Variants in EEPD1 observed in about 807,000 individuals in gnomAD.
EEPD1 encodes the protein endonuclease/exonuclease/phosphatase family domain containing 1, also known as endonuclease/exonuclease/phosphatase family domain-containing protein 1.
EEPD1 carries 17 observed loss-of-function variants against 46.3 expected under a neutral mutation model. That is an observed-to-expected ratio of 0.37 (90% CI 0.25 to 0.55). EEPD1 has a LOEUF of 0.55. Among genes scored for constraint, EEPD1 ranks in the 20% least tolerant of loss-of-function variants. The pLI, the probability that EEPD1 is intolerant of heterozygous loss-of-function variation, is 0.83. For synonymous variants in EEPD1, 313 were observed against 315.6 expected (o/e 0.99, Z 0.09); for missense variants, 673 against 745.6 (o/e 0.90, Z 1.13).
At chr7:36,180,027 C>T (rs957671583) in intron 2 of EEPD1, among the ~76,000 whole-genome samples, 1 of 152,162 alleles carries the variant, frequency 6.6e-6, no homozygotes, top group Non-Finnish European at 1.5e-5. Context: ...GGCTCCTCCC[C>T]AGCAAACTGA....
At chr7:36,298,208 C>T (rs563730065) in intron 7 of EEPD1, among the ~76,000 whole-genome samples, 21 of 152,360 alleles carry the variant, frequency 1.4e-4, no homozygotes, top group African/African-American at 4.3e-4. Flanking sequence ...GGCCAGCCCA[C>T]GGCCTTTGCA....
chr7:36,281,914 A>G (rs113837293), intron 4 of EEPD1, among the ~76,000 whole-genome samples: 36 of 152,344 alleles, frequency 2.4e-4, no homozygotes, highest in African/African-American at 7.9e-4. Flanking sequence ...AGTATACCTA[A>G]CATGCTTACA....
chr7:36,222,562 ATCCT>A (rs896748776), intron 2 of EEPD1, among the ~76,000 whole-genome samples: 1 of 152,178 alleles, frequency 6.6e-6, no homozygotes, highest in Non-Finnish European at 1.5e-5. Flanking sequence ...TTTGTTGCAG[ATCCT>A]TCCTGTCTCA....
chr7:36,156,807 T>G (rs1181701612), intron 2 of EEPD1, among the ~76,000 whole-genome samples: 1 of 152,224 alleles, frequency 6.6e-6, no homozygotes, highest in African/African-American at 2.4e-5. Flanking sequence ...CACTAAAGTT[T>G]GAGAACCATT....
chr7:36,206,674 A>G (rs1204926600), intron 2 of EEPD1, among the ~76,000 whole-genome samples: 1 of 152,260 alleles, frequency 6.6e-6, no homozygotes, highest in African/African-American at 2.4e-5. Context: ...TTCATAAGTT[A>G]TAGGTAATAA....
chr7:36,243,065 G>A (rs534201022), intron 3 of EEPD1, among the ~76,000 whole-genome samples: 8 of 152,144 alleles, frequency 5.3e-5, no homozygotes, highest in Admixed American at 5.2e-4. Flanking sequence ...ATAGAACTGC[G>A]CTACTCGAAG....
At chr7:36,291,418 C>T (rs1787429338) in intron 6 of EEPD1, among the ~76,000 whole-genome samples, 1 of 152,202 alleles carries the variant, frequency 6.6e-6, no homozygotes, top group South Asian at 2.1e-4. Context: ...ACCTTCCCAC[C>T]TCTGGGAGCC....
rs1200883189 is a variant in EEPD1, at chr7:36,197,257, C to T, written c.879-41728C>T. 1.7e-4 allele frequency among the ~76,000 whole-genome samples: 24 copies of T among 142,910 alleles called. 1 individual carries two copies. The highest frequency in any genetic ancestry group is 4.1e-4 in the East Asian group (2 of 4,854). The allele number at this position is 142,910 out of a possible 152,430, so 93.8% of individuals were successfully genotyped here. A position where few individuals can be genotyped will look rare whatever the true frequency, so the allele number is the denominator to read the frequency against. On this transcript the variant is annotated intron_variant, in intron 2 of 7. Transcript: ENST00000242108. Reference sequence around the variant, plus strand: ...GAGGGAGGTGGGGGGGTCAGGCCCCCGCCCGGGCAGCCGCCCCGTCCGGGA... The same window carrying T: ...GAGGGAGGTGGGGGGGTCAGGCCCCTGCCCGGGCAGCCGCCCCGTCCGGGA...
At chr7:36,238,798 A>G (rs1176475695) in intron 2 of EEPD1, among the ~76,000 whole-genome samples, 187 bp from the exon 3 acceptor site, 1 of 152,206 alleles carries the variant, frequency 6.6e-6, no homozygotes, top group Non-Finnish European at 1.5e-5. Flanking sequence ...TTACTTTTAA[A>G]TTTAGAAGCA....
chr7:36,285,166 G>A (rs1364801561), intron 5 of EEPD1, among the ~76,000 whole-genome samples: 2 of 152,158 alleles, frequency 1.3e-5, no homozygotes, highest in African/African-American at 4.8e-5. Context: ...CAGACATACA[G>A]AATTTGGGGG....
rs1401781600 is a variant in EEPD1 at position 36,284,765 on chromosome 7, C to T, written c.1121C>T (p.Pro374Leu). Reference sequence around the variant, plus strand: ...GACGCGGGTTCACAGGAGAGCTCGCCAAGCAACGGGCACGGGAAGCTGGCG... The same window carrying T: ...GACGCGGGTTCACAGGAGAGCTCGCTAAGCAACGGGCACGGGAAGCTGGCG... ...LRDAGSQESSPSNGHGKLAGP... is the reference protein window; with the variant it reads ...LRDAGSQESSLSNGHGKLAGP... Residue 374 changes from proline (P) to leucine (L), a missense_variant, in exon 5 of 8, where the codon CCA becomes CTA. By Grantham distance (98) the Pro-to-Leu change is moderately conservative (BLOSUM62 -3). Coordinates refer to ENST00000242108, the MANE Select transcript of EEPD1 (RefSeq NM_030636.3). 6.3e-7 allele frequency: 1 copy of T among 1,599,172 alleles called. No homozygotes were observed. The highest frequency in any genetic ancestry group is 1.1e-5 in the South Asian group (1 of 89,988).
chr7:36,236,934 C>T (rs889810748), intron 2 of EEPD1, among the ~76,000 whole-genome samples: 4 of 152,208 alleles, frequency 2.6e-5, no homozygotes, highest in African/African-American at 9.7e-5. Flanking sequence ...GCAACCCGCT[C>T]GCCTACCATA....
intron 3 of EEPD1, among the ~76,000 whole-genome samples, chr7:36,239,822 CAGACCCT>C (rs1339309422): frequency 9.9e-5 from 15 of 152,190 alleles, no homozygotes; most frequent in African/African-American, 3.1e-4. Context: ...ACCAAGCTCT[CAGACCCT>C]GGGGAGTTCA....
intron 6 of EEPD1, among the ~76,000 whole-genome samples, chr7:36,291,439 C>T (rs1787429845): frequency 6.6e-6 from 1 of 152,192 alleles, no homozygotes; most frequent in Non-Finnish European, 1.5e-5. Flanking sequence ...TGTTTCGTAC[C>T]TGCAGAAGGG....
At chr7:36,189,911 T>G (rs537099659) in intron 2 of EEPD1, among the ~76,000 whole-genome samples, 1 of 152,250 alleles carries the variant, frequency 6.6e-6, no homozygotes, top group East Asian at 1.9e-4. Flanking sequence ...CTCAGCTACT[T>G]AGGAGGCTGA....
intron 3 of EEPD1, among the ~76,000 whole-genome samples, chr7:36,255,084 G>T (rs139398787): frequency 0.21 from 31,534 of 152,110 alleles, 3,980 homozygotes; most frequent in Non-Finnish European, 0.29. Context: ...CCATTCTGTA[G>T]GTTGCCTGTT....
chr7:36,255,835 C>T (rs895236376), intron 3 of EEPD1, among the ~76,000 whole-genome samples: 12 of 151,996 alleles, frequency 7.9e-5, no homozygotes, highest in African/African-American at 2.9e-4. Flanking sequence ...TTCAATTCTT[C>T]TCTTATCTTA....
At position 36,233,594 on chromosome 7, in the gene EEPD1, AT is replaced by A. The variant is rs147652404; in HGVS notation, c.879-5390del. Among the ~76,000 whole-genome samples the A allele has an allele frequency of 5.3e-3, 811 of 152,350 alleles. 5 individuals carry two copies. Among genetic ancestry groups the A allele is most frequent in the African/African-American group, 0.019 (770 of 41,578 alleles). On this transcript the variant is annotated intron_variant, in intron 2 of 7. Transcript: ENST00000242108. Reference sequence around the variant, plus strand: ...CAGACAAAAGCACCCCGATATACTCATGCTTCAAGGTAGCACAAAGACCACT... The same window carrying A: ...CAGACAAAAGCACCCCGATATACTCAGCTTCAAGGTAGCACAAAGACCACT...
chr7:36,159,490 A>C (rs1338233563), intron 2 of EEPD1, among the ~76,000 whole-genome samples: 1 of 152,226 alleles, frequency 6.6e-6, no homozygotes, highest in Non-Finnish European at 1.5e-5. Context: ...TGAGAGGTTA[A>C]ATAGCATCTG....
Sources: gnomAD v4.1 joint callset for allele counts (sites outside exome capture counted in the v4.1 genomes callset) on GRCh38, gnomAD v4.1.1 for gene constraint, MANE v1.5 for transcripts, NCBI Gene and HGNC (gene_info 2026-07-23, HGNC 2026-07-21) for gene names.